PCDH9: variants seen among roughly 807,000 people sequenced by gnomAD.
PCDH9 encodes protocadherin 9, also known as protocadherin-9.
In PCDH9, 24 loss-of-function variants were observed where a neutral mutation model predicts 70.6. The ratio of observed to expected loss-of-function variants is 0.34; its 90% CI spans 0.25 to 0.48. PCDH9 has a LOEUF of 0.48. PCDH9 is among the 20% of genes least tolerant of loss of function. PCDH9 has a pLI of 0.99. For missense variants in PCDH9, 1,281 were observed against 1,503.6 expected (o/e 0.85, Z 2.45); for synonymous variants, 562 against 558.5 (o/e 1.01, Z -0.09).
intron 4 of PCDH9, among the ~76,000 whole-genome samples, chr13:66,483,271 T>A (rs1469394914): frequency 6.6e-6 from 1 of 152,220 alleles, no homozygotes; most frequent in African/African-American, 2.4e-5. Flanking sequence ...TTTTGTTTTA[T>A]AGGAAACAAG....
At chr13:66,653,172 A>T (rs2077877180) in intron 3 of PCDH9, among the ~76,000 whole-genome samples, 5 of 152,172 alleles carry the variant, frequency 3.3e-5, no homozygotes, top group African/African-American at 1.2e-4. Flanking sequence ...AAGCTTCTTC[A>T]CAGCAAAGGA....
At chr13:66,917,400 AGAAACATTTTATATTTCAAATCCTTTTT>A (rs2082573802) in intron 2 of PCDH9, among the ~76,000 whole-genome samples, 1 of 151,500 alleles carries the variant, frequency 6.6e-6, no homozygotes, top group African/African-American at 2.4e-5. Flanking sequence ...ACCATATTCT[AGAAACATTTTATATTTCAAATCCTTTTT>A]GAAACATAAC....
chr13:66,643,588 C>T (rs2077735619), intron 3 of PCDH9, among the ~76,000 whole-genome samples: 1 of 151,984 alleles, frequency 6.6e-6, no homozygotes. Context: ...TTTGTTTCTT[C>T]TGGATACAAA....
intron 4 of PCDH9, among the ~76,000 whole-genome samples, chr13:66,505,960 T>C (rs753974639): frequency 3.4e-4 from 51 of 152,220 alleles, no homozygotes; most frequent in Non-Finnish European, 8.8e-5. Flanking sequence ...AAGTCTATTC[T>C]ACTTTTATCT....
chr13:67,196,081 G>A (rs1453986440), intron 2 of PCDH9, among the ~76,000 whole-genome samples: 1 of 152,140 alleles, frequency 6.6e-6, no homozygotes. Context: ...GTTGTGAAGA[G>A]TAAACAAACT....
At chr13:66,664,946 G>C (rs555508643) in intron 3 of PCDH9, among the ~76,000 whole-genome samples, 2 of 152,018 alleles carry the variant, frequency 1.3e-5, no homozygotes, top group African/African-American at 4.8e-5. Context: ...ACCCTGTCCT[G>C]CTAGTCCCTA....
At chr13:66,987,803 T>TATAAA (rs2083924001) in intron 2 of PCDH9, among the ~76,000 whole-genome samples, 1 of 152,082 alleles carries the variant, frequency 6.6e-6, no homozygotes, top group Non-Finnish European at 1.5e-5. Flanking sequence ...AATGTCTTAT[T>TATAAA]TGAAAATGTC....
chr13:66,308,656 T>A (rs971018925), intron 4 of PCDH9, among the ~76,000 whole-genome samples: 1 of 151,844 alleles, frequency 6.6e-6, no homozygotes, highest in African/African-American at 2.4e-5. Flanking sequence ...CTGAGTAGGG[T>A]TAGCTAGGGT....
intron 2 of PCDH9, among the ~76,000 whole-genome samples, chr13:66,975,626 G>C (rs1240645144): frequency 6.6e-6 from 1 of 151,860 alleles, no homozygotes; most frequent in Admixed American, 6.6e-5. Flanking sequence ...GTGGAACAGG[G>C]GACAAGGAGA....
chr13:66,362,451 T>C (rs762429936), intron 4 of PCDH9, among the ~76,000 whole-genome samples: 1 of 152,102 alleles, frequency 6.6e-6, no homozygotes, highest in Non-Finnish European at 1.5e-5. Context: ...ACAGATATCT[T>C]ACTGTGATTC....
intron 4 of PCDH9, chr13:66,306,043 T>C (rs1250527103): frequency 6.6e-6 from 1 of 152,000 alleles, no homozygotes; most frequent in Non-Finnish European, 1.5e-5. Flanking sequence ...ACGTGATAGA[T>C]AAATGATAGC....
chr13:66,336,249 G>A (rs1327243507), intron 4 of PCDH9, among the ~76,000 whole-genome samples: 4 of 151,856 alleles, frequency 2.6e-5, no homozygotes, highest in African/African-American at 9.7e-5. Context: ...CCGCTTAAAG[G>A]CTTTGCAGGA....
chr13:66,820,311 G>T (rs961421731), intron 3 of PCDH9, among the ~76,000 whole-genome samples: 3 of 152,030 alleles, frequency 2.0e-5, no homozygotes, highest in Admixed American at 6.6e-5. Context: ...CTCCTAGAAG[G>T]ATATTTTTAG....
At chr13:67,164,436 G>A (rs11842499) in intron 2 of PCDH9, among the ~76,000 whole-genome samples, 9,351 of 151,916 alleles carry the variant, frequency 0.062, 439 homozygotes, top group African/African-American at 0.11. Flanking sequence ...TTAGCCTGGT[G>A]TGGTGGCAGG....
chr13:66,803,529 C>T (rs1216066637), intron 3 of PCDH9, among the ~76,000 whole-genome samples: 1 of 152,146 alleles, frequency 6.6e-6, no homozygotes, highest in Non-Finnish European at 1.5e-5. Flanking sequence ...CAGCAGAGCT[C>T]CTGCAGCAAC....
At chr13:66,438,101 G>A (rs971813612) in intron 4 of PCDH9, among the ~76,000 whole-genome samples, 2 of 151,894 alleles carry the variant, frequency 1.3e-5, no homozygotes, top group Non-Finnish European at 2.9e-5. Flanking sequence ...GAGTGTGATG[G>A]CATACATCTG....
chr13:66,795,151 AT>A lies in PCDH9; in HGVS notation c.3138+108352del, dbSNP rs1461799146. Among the ~76,000 whole-genome samples the A allele has an allele frequency of 5.3e-5, 8 of 152,226 alleles. No individual in the cohort carries two copies. The South Asian group carries it at 1.7e-3, about 32-fold the overall frequency. ...ACAGTTTGATTATCTCTTCTCTAAC[AT>A]GCTTGGGACCAGAAGAGTTGTGTAT... is the stretch of plus-strand genomic sequence containing the variant. On this transcript the variant is annotated intron_variant, in intron 3 of 4. Transcript: ENST00000377865.
At chr13:67,177,509 T>C (rs2088495288) in intron 2 of PCDH9, among the ~76,000 whole-genome samples, 1 of 152,098 alleles carries the variant, frequency 6.6e-6, no homozygotes, top group East Asian at 1.9e-4. Context: ...ACTTTGACCC[T>C]CTTTCCTTTG....
intron 3 of PCDH9, among the ~76,000 whole-genome samples, chr13:66,796,617 A>G (rs1472509341): frequency 7.1e-6 from 1 of 140,522 alleles, no homozygotes; most frequent in Admixed American, 7.8e-5. Context: ...CTGAAGAGAG[A>G]TTTTTAGTAA....
Sources: gnomAD v4.1 joint callset for allele counts (sites outside exome capture counted in the v4.1 genomes callset) on GRCh38, gnomAD v4.1.1 for gene constraint, MANE v1.5 for transcripts, NCBI Gene and HGNC (gene_info 2026-07-23, HGNC 2026-07-21) for gene names.